Variants in MCCC1 observed in about 807,000 individuals in gnomAD.
The protein encoded by MCCC1 is methylcrotonoyl-CoA carboxylase subunit alpha, mitochondrial.
In MCCC1, 64 loss-of-function variants were observed where a neutral mutation model predicts 83.8. The ratio of observed to expected loss-of-function variants is 0.76; its 90% confidence interval spans 0.62 to 0.94. The LOEUF (loss-of-function observed/expected upper bound fraction) is 0.94. MCCC1 is among the 40% of genes least tolerant of loss of function. The pLI is 0.00. For synonymous variants in MCCC1, 322 were observed against 315.4 expected (o/e 1.02, Z -0.22); for missense variants, 807 against 904.7 (o/e 0.89, Z 1.39).
At chr3:183,022,233 A>G (rs1468021670) in intron 16 of MCCC1, among the ~76,000 whole-genome samples, 184 bp downstream of exon 16, 1 of 152,208 alleles carries the variant, frequency 6.6e-6, no homozygotes, top group African/African-American at 2.4e-5. Flanking sequence ...AGAGAAGTGA[A>G]TGGGAAACTA....
intron 1 of MCCC1, among the ~76,000 whole-genome samples, chr3:183,110,956 C>A (rs1303019367): frequency 1.3e-5 from 2 of 152,112 alleles, no homozygotes; most frequent in Non-Finnish European, 2.9e-5. Context: ...TGTAGGTATG[C>A]AGCTTTATTT....
intron 11 of MCCC1, among the ~76,000 whole-genome samples, chr3:183,040,901 T>C (rs764499865): frequency 3.9e-5 from 6 of 152,312 alleles, no homozygotes; most frequent in Admixed American, 1.3e-4. Context: ...GGAGCAAGAC[T>C]GCCTGGGTCT....
intron 17 of MCCC1, 155 bp from the exon 18 acceptor site, chr3:183,017,492 A>C: frequency 2.8e-6 from 2 of 709,000 alleles, no homozygotes; most frequent in Non-Finnish European, 4.8e-6. Flanking sequence ...ATAAAAAGAA[A>C]AAAAACAACA....
intron 3 of MCCC1, chr3:183,090,923 C>G (rs897572197): frequency 1.1e-5 from 5 of 454,508 alleles, no homozygotes; most frequent in African/African-American, 4.0e-5. Flanking sequence ...GAGAAGGGAT[C>G]CAGAGCACTG....
intron 10 of MCCC1, among the ~76,000 whole-genome samples, chr3:183,042,307 C>T (rs1267026360): frequency 6.6e-6 from 1 of 152,148 alleles, no homozygotes; most frequent in Non-Finnish European, 1.5e-5. Context: ...TACCAGATTA[C>T]AAACAGGGTG....
rs1387861774 is a variant in MCCC1, at chr3:183,064,043, A to C, written c.762-6621T>G. Among the ~76,000 whole-genome samples, 1 of 152,114 alleles carries C rather than the reference A, an allele frequency of 6.6e-6. No homozygotes were observed. The highest frequency in any genetic ancestry group is 1.5e-5 in the Non-Finnish European group (1 of 68,008). On this transcript the variant is annotated intron_variant, in intron 7 of 18. Transcript: ENST00000265594. This position sits in a 1 kb window ranked among gnomAD's most constrained non-coding sequence, Gnocchi z 4.5. ...TTGAAGCCCAACTTAGGAAGGTTAG[A>C]TTCCTTCCTAAGATTTAGGGGCTCC...
intron 1 of MCCC1, among the ~76,000 whole-genome samples, chr3:183,106,081 T>TAAAAAAAAAAAAAAA (rs563718218): frequency 4.0e-5 from 4 of 101,060 alleles, no homozygotes; most frequent in Non-Finnish European, 5.9e-5. Context: ...AGAGAGTCCG[T>TAAAAAAAAAAAAAAA]AAAAAAAAAA....
At chr3:183,091,524 C>T (rs1210830884) in intron 3 of MCCC1, among the ~76,000 whole-genome samples, 4 of 152,036 alleles carry the variant, frequency 2.6e-5, no homozygotes, top group African/African-American at 4.8e-5. Flanking sequence ...GCCAAGAACA[C>T]GCCACTACAC....
upstream of MCCC1, among the ~76,000 whole-genome samples, chr3:183,104,004 T>C (rs562878963): frequency 6.6e-6 from 1 of 152,232 alleles, no homozygotes; most frequent in African/African-American, 2.4e-5. Context: ...AAGCCCCTCA[T>C]TGCCCCGGGC....
In MCCC1 at chr3:183,086,711, G is replaced by A. The variant is rs1374376277; in HGVS notation, c.351C>T (p.Ala117=). The change falls in exon 4 of 19, where the codon GCC becomes GCT. Residue 117 remains alanine (A), a synonymous_variant. Transcript: ENST00000265594. ...CCCTCACCTGTGCAGCAGAGGTCTT[G>A]GCCACTTGAATGATTTTCTCCATAG... The part of the protein sequence containing the change: ...YLSMEKIIQV[A]KTSAAQAIHP... 1.2e-6 allele frequency: 2 copies of A among 1,614,110 alleles called. No individual in the cohort carries two copies. Among genetic ancestry groups the A allele is most frequent in the East Asian group, 4.5e-5 (2 of 44,882 alleles).
chr3:183,115,810 C>G (rs1006292130), exon 1 of MCCC1: 1 of 152,206 alleles, frequency 6.6e-6, no homozygotes, highest in African/African-American at 2.4e-5. Flanking sequence ...CGAGATCACG[C>G]CACTGCACTC....
At chr3:183,093,196 TACTA>T (rs1718496020) in intron 2 of MCCC1, among the ~76,000 whole-genome samples, 2 of 152,140 alleles carry the variant, frequency 1.3e-5, no homozygotes, top group Admixed American at 6.6e-5. Flanking sequence ...ACCCGGCCAA[TACTA>T]ACTAATCTTT....
At chr3:183,035,631 G>A (rs913077420) in intron 13 of MCCC1, among the ~76,000 whole-genome samples, 1 of 151,544 alleles carries the variant, frequency 6.6e-6, no homozygotes, top group Non-Finnish European at 1.5e-5. Context: ...TGTTAGTGCT[G>A]AAAAAGCTTC....
rs1269548463 is a variant in MCCC1, at chr3:183,064,556, C to T, written c.761+6443G>A. Among the ~76,000 whole-genome samples the T allele has an allele frequency of 6.6e-6, 1 of 152,186 alleles. No homozygotes were observed. The highest frequency in any genetic ancestry group is 1.5e-5 in the Non-Finnish European group (1 of 68,024). Reference sequence around the variant, plus strand: ...CTCATGGCACGCCACCAGCACGGGCCAGGCGCACAAGTGCAGCACCAGCGG... The same window carrying T: ...CTCATGGCACGCCACCAGCACGGGCTAGGCGCACAAGTGCAGCACCAGCGG... On this transcript the variant is annotated intron_variant, in intron 7 of 18. Transcript: ENST00000265594. The surrounding 1 kb of genome is among the most constrained non-coding windows in gnomAD (Gnocchi z 4.5).
chr3:183,061,866 G>A (rs1715857263), intron 7 of MCCC1, among the ~76,000 whole-genome samples: 1 of 152,176 alleles, frequency 6.6e-6, no homozygotes, highest in South Asian at 2.1e-4. Context: ...GTTTGGCTGT[G>A]TCCACAAGCA....
chr3:183,034,107 C>T, intron 13 of MCCC1, 30 bp from the exon 14 acceptor site: 5 of 1,414,010 alleles, frequency 3.5e-6, no homozygotes, highest in Non-Finnish European at 5.0e-6. Flanking sequence ...CAGTAACAAA[C>T]TTATGAGTAT....
At chr3:183,113,561 T>C (rs1719536845) in intron 1 of MCCC1, among the ~76,000 whole-genome samples, 1 of 151,136 alleles carries the variant, frequency 6.6e-6, no homozygotes, top group African/African-American at 2.4e-5. Context: ...ACTTAAAGTA[T>C]AATAATAAAA....
chr3:183,042,510 G>A (rs1190994180), intron 10 of MCCC1, among the ~76,000 whole-genome samples: 1 of 152,094 alleles, frequency 6.6e-6, no homozygotes, highest in Non-Finnish European at 1.5e-5. Context: ...TATAGATACA[G>A]GAAAATCTAG....
At chr3:183,045,229 G>A (rs1395684769) in intron 10 of MCCC1, among the ~76,000 whole-genome samples, 184 bp downstream of exon 10, 2 of 151,818 alleles carry the variant, frequency 1.3e-5, no homozygotes, top group African/African-American at 2.4e-5. Context: ...ACAGGCACCC[G>A]GCACCACGCC....
Sources: gnomAD v4.1 joint callset for allele counts (sites outside exome capture counted in the v4.1 genomes callset) on GRCh38, gnomAD v4.1.1 for gene constraint, Gnocchi (gnomAD v3.1) non-coding constraint, MANE v1.5 for transcripts, NCBI Gene and HGNC (gene_info 2026-07-23, HGNC 2026-07-21) for gene names.